Variants in CACNA2D1 observed in about 807,000 individuals in gnomAD.
The protein encoded by CACNA2D1 is calcium voltage-gated channel auxiliary subunit alpha2delta 1.
CACNA2D1 carries 53 observed loss-of-function variants against 171.5 expected under a neutral mutation model. That is an observed-to-expected ratio of 0.31 (90% confidence interval 0.25 to 0.39). CACNA2D1 has a LOEUF of 0.39. CACNA2D1 is among the 10% of genes least tolerant of loss of function. The probability of loss-of-function intolerance (pLI) is 1.00; values close to 1 mark genes in which losing one functional copy is unlikely to be tolerated. For synonymous variants in CACNA2D1, 442 were observed against 443.1 expected, an observed-to-expected ratio of 1.00 and a Z score of 0.03; for missense variants, 903 against 1,299.8, an observed-to-expected ratio of 0.69 and a Z score of 4.69.
chr7:82,169,724 G>T (rs141027102), intron 4 of CACNA2D1, among the ~76,000 whole-genome samples: 2 of 152,028 alleles, frequency 1.3e-5, no homozygotes, highest in Admixed American at 1.3e-4. Context: ...GAAGGTAGAG[G>T]GCAGTTGTTT....
In CACNA2D1 at chr7:82,255,597, C is replaced by T. The variant is rs78001575; in HGVS notation, c.294+79538G>A. 8.2e-3 allele frequency among the ~76,000 whole-genome samples: 1,249 copies of T among 152,164 alleles called. 25 individuals carry two copies. The highest frequency in any genetic ancestry group is 0.028 in the African/African-American group (1,182 of 41,506). On this transcript the variant is annotated intron_variant, in intron 3 of 38. Coordinates refer to ENST00000356860, the MANE Select transcript of CACNA2D1 (RefSeq NM_000722.4). ...CCTGCAGGCAGAACTTCTTTAAAAG[C>T]CCAATGATAAAAAGAAAATTGTTTT... is the stretch of plus-strand genomic sequence containing the variant.
At chr7:82,133,981 G>A (rs191787563) in intron 5 of CACNA2D1, among the ~76,000 whole-genome samples, 6 of 152,142 alleles carry the variant, frequency 3.9e-5, no homozygotes, top group African/African-American at 1.2e-4. Context: ...GCTGTGGCAG[G>A]AGAATGGCGT....
At chr7:82,131,493 A>G (rs140900791) in intron 5 of CACNA2D1, among the ~76,000 whole-genome samples, 47 of 152,284 alleles carry the variant, frequency 3.1e-4, no homozygotes, top group African/African-American at 9.6e-5. Context: ...TGATTCATGA[A>G]TCATTCTTTA....
In CACNA2D1 at chr7:82,322,782, A is replaced by C. The variant is rs572911231; in HGVS notation, c.294+12353T>G. Among the ~76,000 whole-genome samples, 8 of 152,310 alleles carry C rather than the reference A, an allele frequency of 5.3e-5. No individual in the cohort carries two copies. The South Asian group carries it at 8.3e-4, about 16-fold the overall frequency. The stretch of plus-strand genomic sequence containing the variant: ...TGCAGTTTTTGACTTTAGAAGCTTT[A>C]AACAATTATGAAGAACAGATGCAAA... On this transcript the variant is annotated intron_variant, in intron 3 of 38. Coordinates refer to ENST00000356860, the MANE Select transcript of CACNA2D1 (RefSeq NM_000722.4).
intron 38 of CACNA2D1, among the ~76,000 whole-genome samples, 153 bp downstream of exon 38, chr7:81,959,122 G>GA (rs922089100): frequency 4.0e-5 from 6 of 151,870 alleles, no homozygotes; most frequent in South Asian, 4.1e-4. Context: ...CTACTGAAAT[G>GA]AAAAAAATCT....
At chr7:82,438,373 A>G (rs577691191) in intron 1 of CACNA2D1, among the ~76,000 whole-genome samples, 1 of 152,306 alleles carries the variant, frequency 6.6e-6, no homozygotes, top group East Asian at 1.9e-4. Context: ...TATTAAATAG[A>G]ATACTATATA....
chr7:82,143,101 T>C (rs1792585614), intron 4 of CACNA2D1, among the ~76,000 whole-genome samples: 2 of 151,984 alleles, frequency 1.3e-5, no homozygotes, highest in Admixed American at 1.3e-4. Flanking sequence ...AAGACAGTGC[T>C]CCAGGAAAAA....
intron 12 of CACNA2D1, among the ~76,000 whole-genome samples, chr7:82,017,289 A>G (rs542220331): frequency 6.6e-6 from 1 of 152,222 alleles, no homozygotes; most frequent in South Asian, 2.1e-4. Context: ...TGACAGTAAA[A>G]AATCAATATA....
chr7:82,335,314 A>G lies in CACNA2D1; in HGVS notation c.178-63T>C, dbSNP rs1817859574. On this transcript the variant is annotated intron_variant, in intron 2 of 38. Transcript: ENST00000356860. ...TTACTTATTTGGCTTACAAGTTCCC[A>G]TTGGAATGTATTTAAAACTATAAAC... 3.3e-6 allele frequency: 3 copies of G among 907,398 alleles called. No individual in the cohort carries two copies. The South Asian group carries it at 4.0e-5, about 12-fold the overall frequency. The allele number at this position is 907,398 out of a possible 1,614,324, so 56.2% of individuals were successfully genotyped here.
intron 12 of CACNA2D1, 31 bp from the exon 13 acceptor site, chr7:82,014,510 G>C (rs1249152360): frequency 8.4e-7 from 1 of 1,187,594 alleles, no homozygotes; most frequent in Non-Finnish European, 1.3e-6. Flanking sequence ...GTATTCATTA[G>C]GCTGAATAAA....
chr7:81,974,846 A>T (rs527580952), intron 24 of CACNA2D1, among the ~76,000 whole-genome samples: 1 of 152,102 alleles, frequency 6.6e-6, no homozygotes, highest in South Asian at 2.1e-4. Context: ...CTCATATAGC[A>T]ATTAAAACAG....
chr7:82,222,545 T>C (rs891768918), intron 3 of CACNA2D1, among the ~76,000 whole-genome samples: 9 of 152,152 alleles, frequency 5.9e-5, no homozygotes, highest in Non-Finnish European at 1.3e-4. Flanking sequence ...ATGGATCAAA[T>C]GAACTTCCTA....
intron 1 of CACNA2D1, among the ~76,000 whole-genome samples, chr7:82,419,747 G>A (rs2129456901): frequency 6.6e-6 from 1 of 152,308 alleles, no homozygotes. Context: ...TCAGGATTAT[G>A]AGAATCAGCC....
At chr7:82,295,028 C>T (rs936342280) in intron 3 of CACNA2D1, among the ~76,000 whole-genome samples, 8 of 152,056 alleles carry the variant, frequency 5.3e-5, no homozygotes, top group African/African-American at 1.9e-4. Context: ...AAAGACTTGC[C>T]ATCTAATTAT....
At chr7:82,306,295 A>T (rs1813721482) in intron 3 of CACNA2D1, among the ~76,000 whole-genome samples, 1 of 152,148 alleles carries the variant, frequency 6.6e-6, no homozygotes, top group Admixed American at 6.5e-5. Context: ...AAGACAAGTA[A>T]GATTTTAAGC....
chr7:82,133,605 A>AATATTTATGTGTAAAGATGTACTG (rs1350660771), intron 5 of CACNA2D1, among the ~76,000 whole-genome samples: 3 of 152,182 alleles, frequency 2.0e-5, no homozygotes, highest in African/African-American at 7.2e-5. Context: ...TTTGAAGAAT[A>AATATTTATGTGTAAAGATGTACTG]ATATTTATGT....
intron 38 of CACNA2D1, among the ~76,000 whole-genome samples, chr7:81,956,586 C>T (rs528328504): frequency 4.6e-5 from 7 of 152,180 alleles, no homozygotes; most frequent in South Asian, 2.1e-4. Context: ...CTTACTTTGG[C>T]GTCTTTTGCC....
intron 18 of CACNA2D1, among the ~76,000 whole-genome samples, chr7:82,004,607 T>C (rs1798941371): frequency 6.6e-6 from 1 of 152,150 alleles, no homozygotes; most frequent in South Asian, 2.1e-4. Flanking sequence ...TAACATTAAC[T>C]ATCCATGACT....
chr7:81,961,005 A>C (rs1005271968), intron 36 of CACNA2D1, among the ~76,000 whole-genome samples: 2 of 151,932 alleles, frequency 1.3e-5, no homozygotes, highest in Non-Finnish European at 2.9e-5. Context: ...CTAAAAATTC[A>C]TGATAGGTTG....
Sources: allele counts gnomAD v4.1 joint callset (sites outside exome capture counted in the v4.1 genomes callset), GRCh38; gene constraint gnomAD v4.1.1; transcripts MANE v1.5; gene names NCBI Gene and HGNC (gene_info 2026-07-23, HGNC 2026-07-21).